The following ADGRL4 variants were observed in gnomAD, a reference collection of about 807,000 sequenced individuals.
ADGRL4 encodes the protein EGF, latrophilin and seven transmembrane domain containing 1.
ADGRL4 carries 90 observed loss-of-function variants against 74.8 expected under a neutral mutation model. The ratio of observed to expected loss-of-function variants is 1.20; its 90% confidence interval spans 1.02 to 1.43. ADGRL4 has a LOEUF of 1.43. Ranked by LOEUF, ADGRL4 falls within the 40% of genes most tolerant of loss-of-function variation. The pLI, the probability that ADGRL4 is intolerant of heterozygous loss-of-function variation, is 0.00. For missense variants in ADGRL4, 881 were observed against 814.3 expected, an observed-to-expected ratio of 1.08 and a Z score of -1.00; for synonymous variants, 311 against 279.2, an observed-to-expected ratio of 1.11 and a Z score of -1.14.
intron 9 of ADGRL4, among the ~76,000 whole-genome samples, chr1:78,920,612 T>C (rs1362007417): frequency 6.6e-6 from 1 of 151,904 alleles, no homozygotes; most frequent in African/African-American, 2.4e-5. Context: ...AGTTCTGTAA[T>C]TGGTGATTTT....
At chr1:78,996,283 G>A (rs1386336871) in intron 2 of ADGRL4, among the ~76,000 whole-genome samples, 1 of 152,072 alleles carries the variant, frequency 6.6e-6, no homozygotes, top group Non-Finnish European at 1.5e-5. Flanking sequence ...CTCTTCTCAC[G>A]ATTTGAGTAG....
chr1:78,918,094 T>C, intron 10 of ADGRL4, 44 bp from the exon 11 acceptor site: 2 of 1,496,024 alleles, frequency 1.3e-6, no homozygotes, highest in South Asian at 2.4e-5. Flanking sequence ...AGTGTTTGTT[T>C]TAAAATTATC....
intron 8 of ADGRL4, among the ~76,000 whole-genome samples, chr1:78,924,847 G>C (rs1210605306): frequency 6.6e-6 from 1 of 152,058 alleles, no homozygotes; most frequent in Non-Finnish European, 1.5e-5. Flanking sequence ...ATAGTTGAGG[G>C]AGTGTGTGTA....
chr1:78,952,289 A>C (rs1649745591), intron 2 of ADGRL4, among the ~76,000 whole-genome samples: 1 of 149,226 alleles, frequency 6.7e-6, no homozygotes, highest in African/African-American at 2.4e-5. Flanking sequence ...TTCCTTGTAA[A>C]ACAGGCCCTC....
intron 3 of ADGRL4, among the ~76,000 whole-genome samples, chr1:78,942,669 C>T (rs1454711053): frequency 6.6e-6 from 1 of 150,432 alleles, no homozygotes; most frequent in African/African-American, 2.4e-5. Flanking sequence ...TGGCTCACAC[C>T]TGTAATCCCA....
intron 12 of ADGRL4, among the ~76,000 whole-genome samples, chr1:78,901,784 G>A (rs17102374): frequency 0.025 from 3,830 of 152,188 alleles, 72 homozygotes; most frequent in South Asian, 0.052. Flanking sequence ...GCTAGGAAGC[G>A]TCTCTCTGCT....
At chr1:78,961,201 C>T (rs938497122) in intron 2 of ADGRL4, among the ~76,000 whole-genome samples, 1 of 151,974 alleles carries the variant, frequency 6.6e-6, no homozygotes, top group East Asian at 1.9e-4. Context: ...CCTGCCTCAG[C>T]CTCCCCAGTA....
intron 2 of ADGRL4, among the ~76,000 whole-genome samples, chr1:78,975,124 C>T (rs1198248775): frequency 3.9e-5 from 6 of 152,108 alleles, no homozygotes; most frequent in Non-Finnish European, 8.8e-5. Flanking sequence ...GAGAAATTCA[C>T]TTTCCTATCT....
intron 2 of ADGRL4, among the ~76,000 whole-genome samples, chr1:78,995,476 C>T (rs149196208): frequency 4.8e-4 from 73 of 152,208 alleles, no homozygotes; most frequent in African/African-American, 1.6e-3. Flanking sequence ...TAAGTGGAGA[C>T]GAGATGAGTA....
intron 2 of ADGRL4, among the ~76,000 whole-genome samples, chr1:78,953,232 T>C (rs1649766596): frequency 6.6e-6 from 1 of 152,218 alleles, no homozygotes; most frequent in African/African-American, 2.4e-5. Context: ...CCATTGTATC[T>C]ATCAATCAAT....
At chr1:78,922,928 A>G (rs1009199532) in intron 8 of ADGRL4, among the ~76,000 whole-genome samples, 4 of 152,050 alleles carry the variant, frequency 2.6e-5, no homozygotes, top group Non-Finnish European at 5.9e-5. Flanking sequence ...AGGATGATAG[A>G]AACTCAGATG....
intron 2 of ADGRL4, among the ~76,000 whole-genome samples, chr1:78,997,164 G>A (rs1321313588): frequency 2.2e-5 from 3 of 138,992 alleles, no homozygotes; most frequent in Non-Finnish European, 4.8e-5. Context: ...TCTGGACCTA[G>A]ATTAAAAAAA....
At chr1:78,991,545 A>C (rs996954820) in intron 2 of ADGRL4, among the ~76,000 whole-genome samples, 1 of 152,036 alleles carries the variant, frequency 6.6e-6, no homozygotes, top group East Asian at 1.9e-4. Context: ...AATTTAGTGA[A>C]TAACTGAAAT....
At chr1:78,917,371 T>G (rs1648896953) in intron 12 of ADGRL4, among the ~76,000 whole-genome samples, 1 of 151,372 alleles carries the variant, frequency 6.6e-6, no homozygotes. Context: ...ATTTAAAAGC[T>G]ATACATGATT....
rs907434812 is a variant in ADGRL4, at chr1:78,897,169, C to T, written c.1750-3980G>A. On this transcript the variant is annotated intron_variant, in intron 12 of 14. Transcript: ENST00000370742. ...GTAGGCCAACATATTCTTCCCTTGC[C>T]TTTGTCATTAAAAAACTGACACTCT... Among the ~76,000 whole-genome samples, 8 of 152,220 alleles carry T rather than the reference C, an allele frequency of 5.3e-5. No homozygotes were observed. In the East Asian group the frequency reaches 1.5e-3, roughly 29 times the overall value.
rs1377591633 is a variant in ADGRL4, at chr1:78,935,939, C to T, written c.877+356G>A. ...GAGATCGAGACCATCCTGGCTAACA[C>T]GGTGAAACCCCGTCTCTACTAAAAA... is the stretch of plus-strand genomic sequence containing the variant. On this transcript the variant is annotated intron_variant, in intron 7 of 14. Transcript: ENST00000370742. Among the ~76,000 whole-genome samples, 12 of 37,742 alleles carry T rather than the reference C, an allele frequency of 3.2e-4. 4 individuals are homozygous for T. Among genetic ancestry groups the T allele is most frequent in the Admixed American group, 6.0e-4 (2 of 3,334 alleles). 24.8% of individuals were successfully genotyped at this position (37,742 alleles called of 152,430 possible). A position where few individuals can be genotyped will look rare whatever the true frequency, so the allele number is the denominator to read the frequency against.
chr1:78,961,072 A>G (rs1018183400), intron 2 of ADGRL4, among the ~76,000 whole-genome samples: 1 of 151,816 alleles, frequency 6.6e-6, no homozygotes, highest in African/African-American at 2.4e-5. Context: ...TCTATTTTTT[A>G]TGACTCTATA....
At chr1:79,003,669 A>T (rs1037445895) in intron 2 of ADGRL4, among the ~76,000 whole-genome samples, 9 of 151,952 alleles carry the variant, frequency 5.9e-5, no homozygotes, top group Admixed American at 5.3e-4. Flanking sequence ...AAATGTGAAA[A>T]TTTTTTTATG....
chr1:78,949,281 T>C (rs1375674600), intron 2 of ADGRL4, among the ~76,000 whole-genome samples: 1 of 152,132 alleles, frequency 6.6e-6, no homozygotes, highest in Non-Finnish European at 1.5e-5. Context: ...CCTGAAATAT[T>C]GTTACTAGTC....
Sources: allele counts gnomAD v4.1 joint callset (sites outside exome capture counted in the v4.1 genomes callset), GRCh38; gene constraint gnomAD v4.1.1; transcripts MANE v1.5; gene names NCBI Gene and HGNC (gene_info 2026-07-23, HGNC 2026-07-21).